The following AXDND1 variants were observed in gnomAD, a reference collection of about 807,000 sequenced individuals.
AXDND1 encodes the protein axonemal dynein light chain domain-containing protein 1.
AXDND1 carries 110 observed loss-of-function variants against 137.5 expected under a neutral mutation model. That is an observed-to-expected ratio of 0.80 (90% CI 0.69 to 0.94). The LOEUF (loss-of-function observed/expected upper bound fraction) is 0.94. Among genes scored for constraint, AXDND1 ranks in the 40% least tolerant of loss-of-function variants. AXDND1 has a pLI of 0.00. For missense variants in AXDND1, 1,191 were observed against 1,169.8 expected (o/e 1.02, Z -0.26); for synonymous variants, 414 against 399.7 (o/e 1.04, Z -0.43).
chr1:179,525,968 G>T (rs1670497500), intron 22 of AXDND1, among the ~76,000 whole-genome samples: 1 of 152,104 alleles, frequency 6.6e-6, no homozygotes, highest in African/African-American at 2.4e-5. Context: ...TTCAGAGGAA[G>T]GGAATGTTCC....
rs61821514 is a variant in AXDND1, at chr1:179,377,163, C to T, written c.375-1474C>T. On this transcript the variant is annotated intron_variant, in intron 4 of 25. Transcript: ENST00000367618. ...GTCAGGTTGGCCACAAACTCCTGACCTCAAGTGATCTGCCCCCTTCAGCCT... is the reference window on the plus strand; with the variant it reads ...GTCAGGTTGGCCACAAACTCCTGACTTCAAGTGATCTGCCCCCTTCAGCCT... Among the ~76,000 whole-genome samples, 1,508 of 152,250 alleles carry T rather than the reference C, an allele frequency of 9.9e-3. 7 individuals carry two copies. The highest frequency in any genetic ancestry group is 0.015 in the Non-Finnish European group (1,032 of 68,022).
At chr1:179,472,856 A>G (rs993695156) in intron 17 of AXDND1, among the ~76,000 whole-genome samples, 1 of 152,056 alleles carries the variant, frequency 6.6e-6, no homozygotes, top group Non-Finnish European at 1.5e-5. Flanking sequence ...TTCCTTTTAT[A>G]CTGTTATATA....
chr1:179,447,943 G>T, intron 16 of AXDND1: 1 of 1,389,572 alleles, frequency 7.2e-7, no homozygotes, highest in Non-Finnish European at 1.0e-6. Context: ...ATCTGTTAAC[G>T]TTGAGCTGGC....
At chr1:179,525,557 TATC>T in intron 22 of AXDND1, 110 bp downstream of exon 22, 2 of 1,305,482 alleles carry the variant, frequency 1.5e-6, no homozygotes, top group Non-Finnish European at 1.0e-6. Flanking sequence ...AGTGCTGTGG[TATC>T]ATCATAGCTC....
intron 11 of AXDND1, among the ~76,000 whole-genome samples, chr1:179,400,428 TG>T (rs1215841245): frequency 6.8e-6 from 1 of 147,514 alleles, no homozygotes; most frequent in African/African-American, 2.5e-5. Flanking sequence ...GGGGAAAGAG[TG>T]GGAGGGGGAT....
intron 20 of AXDND1, among the ~76,000 whole-genome samples, chr1:179,507,201 G>A (rs1047481759): frequency 3.9e-5 from 6 of 152,146 alleles, no homozygotes; most frequent in African/African-American, 1.2e-4. Context: ...AGATTCATGG[G>A]TATTAATTAG....
intron 16 of AXDND1, among the ~76,000 whole-genome samples, chr1:179,466,277 TTCTTCTTC>T (rs1422358300): frequency 4.8e-4 from 56 of 117,828 alleles, no homozygotes; most frequent in Middle Eastern, 3.7e-3. Flanking sequence ...TTCTTTCTTC[TTCTTCTTC>T]TTTTTTTTTT....
At chr1:179,449,629 C>G (rs564765761) in intron 16 of AXDND1, 2 of 152,060 alleles carry the variant, frequency 1.3e-5, no homozygotes, top group Non-Finnish European at 2.9e-5. Context: ...AATGTTAAGT[C>G]TTCCAATCTA....
intron 11 of AXDND1, 36 bp downstream of exon 11, chr1:179,395,238 G>A (rs769533451): frequency 3.9e-6 from 6 of 1,528,672 alleles, no homozygotes; most frequent in South Asian, 1.2e-5. Context: ...TTACATAGGG[G>A]AAAAGGAAGA....
chr1:179,383,567 C>G (rs771248177), intron 8 of AXDND1, 23 bp downstream of exon 8: 13 of 1,576,268 alleles, frequency 8.2e-6, no homozygotes, highest in South Asian at 5.6e-5. Context: ...CCGAATGCAA[C>G]CTGGTGGCTA....
At chr1:179,402,912 T>C (rs1162573746) in intron 11 of AXDND1, among the ~76,000 whole-genome samples, 1 of 152,230 alleles carries the variant, frequency 6.6e-6, no homozygotes, top group Admixed American at 6.5e-5. Context: ...CAATTCTCAT[T>C]TCACTTGCCT....
chr1:179,528,581 T>A, intron 23 of AXDND1, 150 bp downstream of exon 23: 1 of 428,420 alleles, frequency 2.3e-6, no homozygotes, highest in Non-Finnish European at 4.0e-6. Flanking sequence ...ACATAATTCC[T>A]GGAAAACTCC....
At chr1:179,483,278 C>A in intron 18 of AXDND1, 57 bp downstream of exon 18, 3 of 1,247,818 alleles carry the variant, frequency 2.4e-6, no homozygotes, top group South Asian at 2.9e-5. Flanking sequence ...CAAATTTCTT[C>A]AAGGAAAAAT....
At chr1:179,392,130 T>TA (rs1650303915) in intron 9 of AXDND1, among the ~76,000 whole-genome samples, 1 of 152,228 alleles carries the variant, frequency 6.6e-6, no homozygotes, top group Admixed American at 6.5e-5. Context: ...ACCCCCATCC[T>TA]AATCTTCCTC....
chr1:179,380,134 A>AG (rs1198990166), intron 6 of AXDND1, among the ~76,000 whole-genome samples: 1 of 151,962 alleles, frequency 6.6e-6, no homozygotes. Context: ...CTGTAGTCCC[A>AG]GCTGCTTGGG....
At chr1:179,447,822 G>A (rs777670078) in intron 16 of AXDND1, 57 of 1,282,818 alleles carry the variant, frequency 4.4e-5, no homozygotes, top group Non-Finnish European at 6.3e-5. Flanking sequence ...GCACTGTGAA[G>A]TCTGTAGTGC....
chr1:179,492,391 A>G (rs1667007325), intron 19 of AXDND1, among the ~76,000 whole-genome samples: 1 of 151,386 alleles, frequency 6.6e-6, no homozygotes, highest in Non-Finnish European at 1.5e-5. Flanking sequence ...GTATACTTTT[A>G]TGTGCTTCAC....
At chr1:179,422,377 T>G (rs966755034) in intron 12 of AXDND1, among the ~76,000 whole-genome samples, 14 of 152,346 alleles carry the variant, frequency 9.2e-5, no homozygotes, top group East Asian at 5.8e-4. Context: ...TGTTCTTGAT[T>G]CCTACATTGA....
At chr1:179,372,693 A>T (rs1668159823) in intron 4 of AXDND1, among the ~76,000 whole-genome samples, 1 of 151,942 alleles carries the variant, frequency 6.6e-6, no homozygotes, top group Admixed American at 6.6e-5. Flanking sequence ...TATTATTATT[A>T]TTTTTGAGAG....
Sources: allele counts gnomAD v4.1 joint callset (sites outside exome capture counted in the v4.1 genomes callset), GRCh38; gene constraint gnomAD v4.1.1; transcripts MANE v1.5; gene names NCBI Gene and HGNC (gene_info 2026-07-23, HGNC 2026-07-21).